The following DESI1 variants were observed in gnomAD, a reference collection of about 807,000 sequenced individuals.
DESI1 encodes the protein desumoylating isopeptidase 1.
In DESI1, 17 loss-of-function variants were observed where a neutral mutation model predicts 22.4. The ratio of observed to expected loss-of-function variants is 0.76; its 90% CI spans 0.52 to 1.14. The LOEUF (loss-of-function observed/expected upper bound fraction) is 1.14. DESI1 is among the 50% of genes most tolerant of loss of function. The pLI is 0.00. For synonymous variants in DESI1, 92 were observed against 84.2 expected (o/e 1.09, Z -0.51); for missense variants, 177 against 208.9 (o/e 0.85, Z 0.94).
chr22:41,610,147 C>T (rs1349609379), intron 1 of DESI1, among the ~76,000 whole-genome samples: 1 of 150,362 alleles, frequency 6.7e-6, no homozygotes, highest in African/African-American at 2.5e-5. Flanking sequence ...TTTGGGAGGC[C>T]GAGGCAGGCG....
intron 2 of DESI1, 143 bp from the exon 3 acceptor site, chr22:41,607,474 A>G: frequency 1.4e-6 from 1 of 728,378 alleles, no homozygotes; most frequent in South Asian, 2.0e-5. Flanking sequence ...CAAAGGTATG[A>G]ATATGATAAA....
chr22:41,612,054 A>G (rs1171891085), intron 1 of DESI1, among the ~76,000 whole-genome samples: 1 of 152,122 alleles, frequency 6.6e-6, no homozygotes, highest in Non-Finnish European at 1.5e-5. Flanking sequence ...TTGAGTGACT[A>G]CTACCTTCCA....
In DESI1 at chr22:41,615,155, C is replaced by A. The variant is rs553682811; in HGVS notation, c.88+5597G>T. 2.2e-4 allele frequency among the ~76,000 whole-genome samples: 31 copies of A among 138,666 alleles called. 1 individual carries two copies. The highest frequency in any genetic ancestry group is 2.1e-3 in the Admixed American group (28 of 13,632). 91.0% of individuals were successfully genotyped at this position (138,666 alleles called of 152,430 possible). A position where few individuals can be genotyped will look rare whatever the true frequency, so the allele number is the denominator to read the frequency against. ...CTTCTAAAAAAAAATACAGGCCGGG[C>A]GCGGTGGCTCAAGCCTGTAATCCCA... On this transcript the variant is annotated intron_variant, in intron 1 of 5. Coordinates refer to ENST00000263256, the MANE Select transcript of DESI1 (RefSeq NM_015704.3).
intron 1 of DESI1, among the ~76,000 whole-genome samples, chr22:41,610,974 A>C (rs558731937): frequency 6.6e-6 from 1 of 152,274 alleles, no homozygotes; most frequent in South Asian, 2.1e-4. Context: ...CCTTATCCAA[A>C]CTGAGGTGAA....
At chr22:41,616,148 CAGG>C (rs1219595485) in intron 1 of DESI1, among the ~76,000 whole-genome samples, 2 of 152,088 alleles carry the variant, frequency 1.3e-5, no homozygotes, top group African/African-American at 4.8e-5. Flanking sequence ...GAGGCTGAGG[CAGG>C]AGAACTGCCT....
chr22:41,607,926 A>G, intron 1 of DESI1, 65 bp from the exon 2 acceptor site: 1 of 1,581,306 alleles, frequency 6.3e-7, no homozygotes, highest in Non-Finnish European at 8.7e-7. Context: ...GCCTTGGTAA[A>G]TTCATGACAT....
At position 41,598,305 on chromosome 22, in the gene DESI1, G is replaced by C. The variant is rs151243323; in HGVS notation, c.*2792C>G. The C allele has an allele frequency of 6.6e-6, 1 of 152,396 alleles. No individual in the cohort carries two copies. Among genetic ancestry groups the C allele is most frequent in the African/African-American group, 2.4e-5 (1 of 41,450 alleles). 9.4% of individuals were successfully genotyped at this position (152,396 alleles called of 1,614,324 possible). A position where few individuals can be genotyped will look rare whatever the true frequency, so the allele number is the denominator to read the frequency against. On this transcript the variant is annotated 3_prime_UTR_variant, in exon 6 of 6. Coordinates refer to ENST00000263256, the MANE Select transcript of DESI1 (RefSeq NM_015704.3). ...CCAGGCGGAGTTAGCCGGCCACAAT[G>C]AGAATGCTCCTGAGGTGCTGGGACA...
At chr22:41,619,473 T>G (rs1309785606) in intron 1 of DESI1, among the ~76,000 whole-genome samples, 1 of 152,258 alleles carries the variant, frequency 6.6e-6, no homozygotes, top group East Asian at 1.9e-4. Context: ...ATCAATTTCT[T>G]GTGTATCCTT....
At chr22:41,620,522 C>T (rs28384701) in intron 1 of DESI1, among the ~76,000 whole-genome samples, 4,820 of 152,282 alleles carry the variant, frequency 0.032, 118 homozygotes, top group Middle Eastern at 0.044. Context: ...GGAGGCATGA[C>T]TCCTCCATCC....
intron 1 of DESI1, among the ~76,000 whole-genome samples, chr22:41,614,226 C>T (rs1480406229): frequency 5.3e-5 from 8 of 150,996 alleles, no homozygotes; most frequent in East Asian, 2.0e-4. Context: ...TTAGTAGAGA[C>T]GGGGTTTCTC....
chr22:41,607,465 A>G, intron 2 of DESI1, 134 bp from the exon 3 acceptor site: 1 of 794,088 alleles, frequency 1.3e-6, no homozygotes, highest in Non-Finnish European at 2.0e-6. Context: ...CCAACAAACC[A>G]AAGGTATGAA....
At chr22:41,602,724 C>T in intron 5 of DESI1, 1 of 989,150 alleles carries the variant, frequency 1.0e-6, no homozygotes, top group Middle Eastern at 5.2e-4. Context: ...AGGCTTGGGG[C>T]ACATCAGGAC....
intron 1 of DESI1, 50 bp from the exon 2 acceptor site, chr22:41,607,911 C>T (rs764171116): frequency 6.2e-7 from 1 of 1,607,258 alleles, no homozygotes; most frequent in South Asian, 1.1e-5. Context: ...ATAAGTGGCC[C>T]CTCAGCCTTG....
In DESI1 at chr22:41,620,963, A is replaced by C; in HGVS notation, c.-124T>G. The stretch of plus-strand genomic sequence containing the variant: ...GGGGACCGAGCCCGGGCCCGGGCTG[A>C]GGGGTGGGGGAGAGGCCGCCCTGCG... On this transcript the variant is annotated 5_prime_UTR_variant, in exon 1 of 6. Transcript: ENST00000263256. 5.8e-5 allele frequency: 42 copies of C among 722,940 alleles called. No homozygotes were observed. Among genetic ancestry groups the C allele is most frequent in the Middle Eastern group, 3.0e-4 (1 of 3,292 alleles). 44.8% of individuals were successfully genotyped at this position (722,940 alleles called of 1,614,324 possible). A position where few individuals can be genotyped will look rare whatever the true frequency, so the allele number is the denominator to read the frequency against.
In DESI1 at chr22:41,599,364, T is replaced by A. The variant is rs915247363; in HGVS notation, c.*1733A>T. ...GAGGGAATCTGAAAGTCTCTCTGGATTAGAGACTCCCAGACTGTTCCCTGC... is the reference window on the plus strand; with the variant it reads ...GAGGGAATCTGAAAGTCTCTCTGGAATAGAGACTCCCAGACTGTTCCCTGC... On this transcript the variant is annotated 3_prime_UTR_variant, in exon 6 of 6. Transcript: ENST00000263256. 1.3e-5 allele frequency: 2 copies of A among 152,160 alleles called. No individual in the cohort carries two copies. Among genetic ancestry groups the A allele is most frequent in the Non-Finnish European group, 2.9e-5 (2 of 68,032 alleles). The allele number at this position is 152,160 out of a possible 1,614,324, so 9.4% of individuals were successfully genotyped here. A position where few individuals can be genotyped will look rare whatever the true frequency, so the allele number is the denominator to read the frequency against.
chr22:41,614,689 A>C (rs1176795049), intron 1 of DESI1, among the ~76,000 whole-genome samples: 1 of 143,822 alleles, frequency 7.0e-6, no homozygotes, highest in Non-Finnish European at 1.5e-5. Context: ...AGTTCAAGCG[A>C]TTCTCCTGCC....
At position 41,620,878 on chromosome 22, in the gene DESI1, C is replaced by T; in HGVS notation, c.-39G>A. On this transcript the variant is annotated 5_prime_UTR_variant, in exon 1 of 6. Transcript: ENST00000263256. ...GACGGCGGCCACGACGGCCCTCGGGCACCCGGCAGCGGCTTGGACCTTCCC... is the reference window on the plus strand; with the variant it reads ...GACGGCGGCCACGACGGCCCTCGGGTACCCGGCAGCGGCTTGGACCTTCCC... The T allele has an allele frequency of 6.3e-7, 1 of 1,581,386 alleles. No individual in the cohort carries two copies. The highest frequency in any genetic ancestry group is 8.6e-7 in the Non-Finnish European group (1 of 1,164,228).
chr22:41,601,774 C>T (rs1027453819), intron 5 of DESI1, among the ~76,000 whole-genome samples: 13 of 152,130 alleles, frequency 8.5e-5, no homozygotes, highest in Non-Finnish European at 1.5e-4. Context: ...AGTGCAATGG[C>T]GTGATCTCGG....
Position 41,602,813 on chromosome 22 carries a change from G to C in DESI1, c.413+446C>G, listed in dbSNP as rs376266011. The C allele has an allele frequency of 8.7e-6, 9 of 1,037,892 alleles. No homozygotes were observed. In the African/African-American group the frequency reaches 1.3e-4, roughly 16 times the overall value. 64.3% of individuals were successfully genotyped at this position (1,037,892 alleles called of 1,614,324 possible). On this transcript the variant is annotated intron_variant, in intron 5 of 5. Coordinates refer to ENST00000263256, the MANE Select transcript of DESI1 (RefSeq NM_015704.3). ...AATACATGAGGGCAAGTAGAACATA[G>C]TCGTTGAGGGAGTCAAAGAGTTCAT... is the stretch of plus-strand genomic sequence containing the variant.
Sources: allele counts gnomAD v4.1 joint callset (sites outside exome capture counted in the v4.1 genomes callset), GRCh38; gene constraint gnomAD v4.1.1; transcripts MANE v1.5; gene names NCBI Gene and HGNC (gene_info 2026-07-23, HGNC 2026-07-21).